RPS6KA6: variants seen among roughly 807,000 people sequenced by gnomAD.
RPS6KA6 encodes the protein ribosomal protein S6 kinase A6.
In RPS6KA6, 27 loss-of-function variants were observed where a neutral mutation model predicts 65.4. That is an observed-to-expected ratio of 0.41 (90% CI 0.30 to 0.57). The LOEUF (loss-of-function observed/expected upper bound fraction) is 0.57, where lower values mean the gene tolerates loss of function less well. Ranked by LOEUF, RPS6KA6 falls within the 20% of genes least tolerant of loss-of-function variation. The pLI is 0.24. For missense variants in RPS6KA6, 486 were observed against 555.6 expected, an observed-to-expected ratio of 0.87 and a Z score of 1.26; for synonymous variants, 190 against 184.2, an observed-to-expected ratio of 1.03 and a Z score of -0.26.
chrX:84,161,065 T>C (rs2035503638), intron 2 of RPS6KA6, among the ~76,000 whole-genome samples: 1 of 111,182 alleles, frequency 9.0e-6, no homozygotes, highest in South Asian at 3.8e-4. Flanking sequence ...ATCTCAGTTA[T>C]AAGGATCAAC....
At chrX:84,122,598 T>C (rs764014533) in intron 8 of RPS6KA6, among the ~76,000 whole-genome samples, 4 of 109,898 alleles carry the variant, frequency 3.6e-5, no homozygotes, top group Non-Finnish European at 5.7e-5. Context: ...TCTCCCAAAG[T>C]GCTGGGTTTA....
chrX:84,145,433 T>C, intron 6 of RPS6KA6, 45 bp downstream of exon 6: 1 of 822,627 alleles, frequency 1.2e-6, no homozygotes, highest in Non-Finnish European at 1.7e-6. Flanking sequence ...TGATTTTTCT[T>C]AGTTTTGTTT....
intron 8 of RPS6KA6, among the ~76,000 whole-genome samples, chrX:84,124,274 C>A (rs2034734562): frequency 9.0e-6 from 1 of 111,266 alleles, no homozygotes; most frequent in African/African-American, 3.3e-5. Flanking sequence ...GCAAGACCAT[C>A]CAGGAAAACA....
intron 2 of RPS6KA6, among the ~76,000 whole-genome samples, chrX:84,163,645 CAAAAAAAAA>C (rs1184307765): frequency 2.1e-5 from 1 of 46,994 alleles, no homozygotes; most frequent in African/African-American, 8.7e-5. Context: ...GACTCCGTCT[CAAAAAAAAA>C]AAAAAAAAAA....
chrX:84,109,922 T>G (rs1287421034), intron 12 of RPS6KA6, among the ~76,000 whole-genome samples: 1 of 111,217 alleles, frequency 9.0e-6, no homozygotes, highest in Non-Finnish European at 1.9e-5. Context: ...TGCCTCAACC[T>G]GGGGTCTGAG....
chrX:84,142,949 TAA>T (rs1300760865), intron 6 of RPS6KA6, among the ~76,000 whole-genome samples: 2 of 110,945 alleles, frequency 1.8e-5, no homozygotes, highest in Non-Finnish European at 3.8e-5. Context: ...CCCAGAAAGT[TAA>T]AGAGGCAAAA....
chrX:84,123,639 G>T (rs758948584), intron 8 of RPS6KA6, among the ~76,000 whole-genome samples: 24 of 112,220 alleles, frequency 2.1e-4, no homozygotes, highest in Non-Finnish European at 4.3e-4. Context: ...AAAGATTCTG[G>T]ATTATGGTCT....
chrX:84,167,529 G>A (rs1041884425), intron 1 of RPS6KA6, among the ~76,000 whole-genome samples: 1 of 111,138 alleles, frequency 9.0e-6, no homozygotes, highest in African/African-American at 3.3e-5. Context: ...GGTTCAACGG[G>A]TTGGGGGTAG....
At chrX:84,127,910 A>G (rs1295385399) in intron 8 of RPS6KA6, among the ~76,000 whole-genome samples, 1 of 111,658 alleles carries the variant, frequency 9.0e-6, no homozygotes, top group Non-Finnish European at 1.9e-5. Flanking sequence ...TGAGACCTGG[A>G]ACACAATGAG....
intron 12 of RPS6KA6, among the ~76,000 whole-genome samples, chrX:84,114,212 G>A (rs769479534): frequency 9.0e-6 from 1 of 111,299 alleles, no homozygotes; most frequent in African/African-American, 3.3e-5. Flanking sequence ...ACCAGTCCAG[G>A]CACAGTGGTT....
chrX:84,085,890 G>C (rs1242719394), intron 20 of RPS6KA6, among the ~76,000 whole-genome samples: 1 of 111,085 alleles, frequency 9.0e-6, no homozygotes, highest in Non-Finnish European at 1.9e-5. Flanking sequence ...TTTCTTCCTG[G>C]TTGTCACAGG....
rs376230365 is a variant in RPS6KA6, at chrX:84,064,306, T to C, written c.2209A>G (p.Met737Val). ...AGGCCAGTTGATGTTCGCTTTTTCA[T>C]GCTCCGTCGCTGGGCTAAGCTTGAA... ...AASSLAQRRS[M>V]KKRTSTGL is the part of the protein sequence containing the mutation. Residue 737 changes from methionine to valine, a missense_variant, in exon 22 of 22, where the codon ATG (methionine) becomes GTG (valine). Around this residue, in one of 3 missense-constraint regions of RPS6KA6, gnomAD observed 345 missense variants for 375.0 expected, o/e 0.92. Transcript: ENST00000262752. The C allele has an allele frequency of 1.4e-4, 163 of 1,206,914 alleles. No individual in the cohort carries two copies. Among genetic ancestry groups the C allele is most frequent in the Middle Eastern group, 2.3e-4 (1 of 4,372 alleles).
chrX:84,173,774 C>T (rs1373604158), intron 1 of RPS6KA6, among the ~76,000 whole-genome samples: 4 of 111,725 alleles, frequency 3.6e-5, no homozygotes, highest in Non-Finnish European at 7.5e-5. Context: ...AATCCTCCTG[C>T]CCCAGCTTCC....
At chrX:84,181,007 T>C (rs2035843926) in intron 1 of RPS6KA6, among the ~76,000 whole-genome samples, 1 of 112,030 alleles carries the variant, frequency 8.9e-6, no homozygotes, top group South Asian at 3.7e-4. Context: ...TACTAGCTGG[T>C]ACATAGTTCA....
chrX:84,175,232 G>T (rs2035746140), intron 1 of RPS6KA6, among the ~76,000 whole-genome samples: 1 of 111,428 alleles, frequency 9.0e-6, no homozygotes, highest in Admixed American at 9.6e-5. Context: ...ATACGTGGGA[G>T]ATTGGTTCCA....
At chrX:84,095,135 C>G in intron 20 of RPS6KA6, among the ~76,000 whole-genome samples, 1 of 111,759 alleles carries the variant, frequency 8.9e-6, no homozygotes, top group Admixed American at 9.5e-5. Context: ...GTCTGTTTTT[C>G]TAATGTTTAA....
chrX:84,172,175 G>A (rs753515020), intron 1 of RPS6KA6, among the ~76,000 whole-genome samples: 1 of 111,867 alleles, frequency 8.9e-6, no homozygotes, highest in African/African-American at 3.2e-5. Context: ...ATATAGTGCT[G>A]CAATAAATAG....
At chrX:84,071,851 T>C (rs1161725758) in intron 20 of RPS6KA6, among the ~76,000 whole-genome samples, 1 of 111,397 alleles carries the variant, frequency 9.0e-6, no homozygotes, top group Non-Finnish European at 1.9e-5. Context: ...AATTGATACG[T>C]TCCTGGATAT....
intron 1 of RPS6KA6, among the ~76,000 whole-genome samples, chrX:84,174,617 G>A (rs1466556122): frequency 8.9e-6 from 1 of 111,809 alleles, no homozygotes; most frequent in Non-Finnish European, 1.9e-5. Context: ...ATGATCTTTG[G>A]AGTATTTGCC....
Sources: allele counts gnomAD v4.1 joint callset (sites outside exome capture counted in the v4.1 genomes callset), GRCh38; gene constraint gnomAD v4.1.1; regional missense constraint gnomAD v4.1.1; transcripts MANE v1.5; gene names NCBI Gene and HGNC (gene_info 2026-07-23, HGNC 2026-07-21).